The following DLGAP2 variants were observed in gnomAD, a reference collection of about 807,000 sequenced individuals.
DLGAP2 encodes the protein disks large-associated protein 2.
Under a neutral mutation model 100.3 loss-of-function variants are expected in DLGAP2, and 26 were observed. That is an observed-to-expected ratio of 0.26 (90% CI 0.19 to 0.36). DLGAP2 has a LOEUF of 0.36. DLGAP2 is among the 10% of genes least tolerant of loss of function. The pLI is 1.00. For synonymous variants in DLGAP2, 886 were observed against 630.1 expected (o/e 1.41, Z -6.08); for missense variants, 1,858 against 1,453.2 (o/e 1.28, Z -4.53).
At chr8:1,047,650 T>G (rs1353313994) in intron 2 of DLGAP2, among the ~76,000 whole-genome samples, 1 of 151,958 alleles carries the variant, frequency 6.6e-6, no homozygotes, top group Non-Finnish European at 1.5e-5. Context: ...CACTTCCTGG[T>G]CCCTAGATGG....
intron 2 of DLGAP2, among the ~76,000 whole-genome samples, chr8:1,241,259 T>C (rs1798789392): frequency 6.6e-6 from 1 of 151,154 alleles, no homozygotes; most frequent in Non-Finnish European, 1.5e-5. Context: ...GAACCATGTC[T>C]AGTTCTCTCA....
intron 1 of DLGAP2, among the ~76,000 whole-genome samples, chr8:767,812 AT>A (rs1821254574): frequency 1.3e-5 from 2 of 152,218 alleles, no homozygotes; most frequent in Non-Finnish European, 2.9e-5. Flanking sequence ...GTGGTTTAGA[AT>A]TAGCAACTGA....
At chr8:1,509,616 G>A (rs1458890172) in intron 4 of DLGAP2, among the ~76,000 whole-genome samples, 1 of 152,066 alleles carries the variant, frequency 6.6e-6, no homozygotes, top group East Asian at 1.9e-4. Context: ...TCAGAGGCAG[G>A]TTCTGCAGGC....
chr8:1,451,370 T>C (rs1425012816), intron 3 of DLGAP2, among the ~76,000 whole-genome samples: 2 of 152,126 alleles, frequency 1.3e-5, no homozygotes. Flanking sequence ...GTTGCATGCA[T>C]GAGTGAGTCC....
rs902762101 is a variant in DLGAP2, at chr8:1,378,381, C to T, written c.106+119498C>T. 2.6e-5 allele frequency among the ~76,000 whole-genome samples: 4 copies of T among 151,394 alleles called. No homozygotes were observed. The South Asian group carries it at 8.4e-4, about 32-fold the overall frequency. On this transcript the variant is annotated intron_variant, in intron 3 of 14. Coordinates refer to ENST00000637795, the MANE Select transcript of DLGAP2 (RefSeq NM_001346810.2). ...TCTGTCCTGCACACACCTGACCTCA[C>T]CTGTCCTTGCCACACACACCTGACT... is the stretch of plus-strand genomic sequence containing the variant.
At chr8:836,562 C>T (rs1378534339) in intron 1 of DLGAP2, among the ~76,000 whole-genome samples, 2 of 152,198 alleles carry the variant, frequency 1.3e-5, no homozygotes, top group Non-Finnish European at 2.9e-5. Flanking sequence ...CGGGGTGACC[C>T]TCTGCAGGCC....
At chr8:1,072,077 C>T (rs1803449685) in intron 2 of DLGAP2, among the ~76,000 whole-genome samples, 1 of 152,200 alleles carries the variant, frequency 6.6e-6, no homozygotes, top group Non-Finnish European at 1.5e-5. Context: ...TTGGCTCCGT[C>T]CTGCCATGAA....
chr8:1,493,273 A>T (rs773888211), intron 3 of DLGAP2, among the ~76,000 whole-genome samples: 8 of 152,168 alleles, frequency 5.3e-5, no homozygotes, highest in Non-Finnish European at 1.2e-4. Flanking sequence ...CAGCTCTGAG[A>T]CACGCCTCTG....
intron 2 of DLGAP2, among the ~76,000 whole-genome samples, chr8:1,163,867 G>A (rs1462026161): frequency 6.6e-6 from 1 of 152,196 alleles, no homozygotes; most frequent in East Asian, 1.9e-4. Context: ...TGCGGCTGCC[G>A]ACACGTCCTT....
chr8:1,337,420 A>G (rs147840521), intron 3 of DLGAP2, among the ~76,000 whole-genome samples: 2 of 2,178 alleles, frequency 9.2e-4, no homozygotes, highest in Non-Finnish European at 1.8e-3. Context: ...GATGGTGAGG[A>G]TGATGGTGAT....
intron 2 of DLGAP2, among the ~76,000 whole-genome samples, chr8:941,671 T>G (rs552097997): frequency 6.6e-6 from 1 of 152,188 alleles, no homozygotes; most frequent in African/African-American, 2.4e-5. Context: ...AGCCATGGTG[T>G]CCTAAGCAGC....
chr8:1,025,461 C>A (rs1320467840), intron 2 of DLGAP2, among the ~76,000 whole-genome samples: 1 of 152,146 alleles, frequency 6.6e-6, no homozygotes, highest in African/African-American at 2.4e-5. Flanking sequence ...AAAGATATGA[C>A]TACAAAGTAA....
intron 1 of DLGAP2, among the ~76,000 whole-genome samples, chr8:810,463 A>G (rs563566402): frequency 1.4e-4 from 22 of 152,366 alleles, no homozygotes; most frequent in Admixed American, 2.6e-4. Context: ...TATGCTGATA[A>G]TTGGATTTCA....
chr8:1,184,969 G>C (rs796648883), intron 2 of DLGAP2, among the ~76,000 whole-genome samples: 4 of 152,288 alleles, frequency 2.6e-5, no homozygotes, highest in African/African-American at 7.2e-5. Context: ...AGGTTTGCTA[G>C]GGAGCTCAGA....
At chr8:1,668,753 A>C in intron 9 of DLGAP2, 75 bp downstream of exon 9, 1 of 1,332,020 alleles carries the variant, frequency 7.5e-7, no homozygotes, top group Non-Finnish European at 1.0e-6. Context: ...GCCAAAACCC[A>C]ACCAGCGGCC....
chr8:1,106,697 G>A (rs753203209), intron 2 of DLGAP2, among the ~76,000 whole-genome samples: 1 of 149,674 alleles, frequency 6.7e-6, no homozygotes, highest in South Asian at 2.1e-4. Context: ...ACTGAAGGAG[G>A]CCATTCTAGG....
chr8:1,584,429 G>C (rs1796049460), intron 6 of DLGAP2, among the ~76,000 whole-genome samples: 1 of 152,152 alleles, frequency 6.6e-6, no homozygotes, highest in Non-Finnish European at 1.5e-5. Context: ...TCAGTTAATA[G>C]GAAGCCATAT....
chr8:1,565,842 C>G lies in DLGAP2; in HGVS notation c.1390C>G (p.Pro464Ala), dbSNP rs764839301. 6.2e-7 allele frequency: 1 copy of G among 1,613,314 alleles called. No homozygotes were observed. The highest frequency in any genetic ancestry group is 8.5e-7 in the Non-Finnish European group (1 of 1,179,600). ...PKTSPKSAILPEPLLKSIGQR... is the reference protein window; with the variant it reads ...PKTSPKSAILAEPLLKSIGQR... ...GACATCACCAAAGTCGGCAATCCTA[C>G]CAGAGCCGCTGCTGAAGTCCATCGG... is the stretch of plus-strand genomic sequence containing the variant. The change falls in exon 6 of 15, where the codon CCA becomes GCA. Residue 464 changes from proline (P) to alanine (A), a missense_variant. By Grantham distance (27) the Pro-to-Ala change is conservative. Coordinates refer to ENST00000637795, the MANE Select transcript of DLGAP2 (RefSeq NM_001346810.2).
chr8:801,863 C>G (rs954942246), intron 1 of DLGAP2, among the ~76,000 whole-genome samples: 2 of 152,170 alleles, frequency 1.3e-5, no homozygotes, highest in South Asian at 2.1e-4. Context: ...CCTTTCGTAC[C>G]TGAGCCGCCT....
Sources: allele counts gnomAD v4.1 joint callset (sites outside exome capture counted in the v4.1 genomes callset), GRCh38; gene constraint gnomAD v4.1.1; transcripts MANE v1.5; gene names NCBI Gene and HGNC (gene_info 2026-07-23, HGNC 2026-07-21).